The following STON2 variants were observed in gnomAD, a reference collection of about 807,000 sequenced individuals.
The protein encoded by STON2 is stonin 2.
Under a neutral mutation model 65.7 loss-of-function variants are expected in STON2, and 29 were observed. That is an observed-to-expected ratio of 0.44 (90% CI 0.33 to 0.60). STON2 has a LOEUF of 0.60. Among genes scored for constraint, STON2 ranks in the 20% least tolerant of loss-of-function variants. The pLI is 0.03. For synonymous variants in STON2, 404 were observed against 414.2 expected (o/e 0.98, Z 0.30); for missense variants, 1,054 against 1,118.1 (o/e 0.94, Z 0.82).
chr14:81,421,503 C>A (rs1901701798), intron 2 of STON2, among the ~76,000 whole-genome samples: 2 of 152,142 alleles, frequency 1.3e-5, no homozygotes, highest in South Asian at 4.2e-4. Context: ...GTGAAAAGAC[C>A]AGCTAGTAAT....
At chr14:81,306,167 CTATATATA>C (rs1555397650) in intron 5 of STON2, among the ~76,000 whole-genome samples, 2 of 132,306 alleles carry the variant, frequency 1.5e-5, no homozygotes, top group East Asian at 4.3e-4. Context: ...CTCTCTCTCT[CTATATATA>C]TATATATATA....
At chr14:81,367,405 A>G (rs10146491) in intron 4 of STON2, among the ~76,000 whole-genome samples, 76,153 of 151,980 alleles carry the variant, frequency 0.5, 19,569 homozygotes, top group East Asian at 0.73. Flanking sequence ...TCAAACTCCT[A>G]GCTTCAAGTG....
intron 5 of STON2, among the ~76,000 whole-genome samples, chr14:81,313,631 C>T (rs370134979): frequency 1.3e-5 from 2 of 152,066 alleles, no homozygotes; most frequent in East Asian, 1.9e-4. Flanking sequence ...CCCATCTCTA[C>T]TAAAAATACA....
At chr14:81,411,938 C>A in intron 2 of STON2, among the ~76,000 whole-genome samples, 1 of 99,468 alleles carries the variant, frequency 1.0e-5, no homozygotes, top group African/African-American at 5.7e-5. Context: ...ACTATCATCT[C>A]AAAGACAAGA....
chr14:81,322,375 C>T (rs1380027839), intron 5 of STON2, among the ~76,000 whole-genome samples: 1 of 152,148 alleles, frequency 6.6e-6, no homozygotes, highest in Non-Finnish European at 1.5e-5. Context: ...ACTGAAAAGT[C>T]ACAAATTTGA....
Position 81,267,919 on chromosome 14 carries a change from A to G in STON2, c.*495T>C. 1 of 985,632 alleles carries G rather than the reference A, an allele frequency of 1.0e-6. No homozygotes were observed. Among genetic ancestry groups the G allele is most frequent in the Non-Finnish European group, 1.2e-6 (1 of 830,100 alleles). The allele number at this position is 985,632 out of a possible 1,614,324, so 61.1% of individuals were successfully genotyped here. On this transcript the variant is annotated 3_prime_UTR_variant, in exon 8 of 8. Coordinates refer to ENST00000614646, the MANE Select transcript of STON2 (RefSeq NM_001394390.1). ...AAGGTCTAGTAAGACCCAAAGAGGA[A>G]ATTTGTTTTGCACCTTTTCTGAACC...
At chr14:81,376,814 T>C (rs1260378714) in intron 3 of STON2, among the ~76,000 whole-genome samples, 1 of 152,198 alleles carries the variant, frequency 6.6e-6, no homozygotes, top group Non-Finnish European at 1.5e-5. Flanking sequence ...AATTGAGTTA[T>C]CCAATTTATA....
At chr14:81,342,184 G>A (rs998887736) in intron 4 of STON2, among the ~76,000 whole-genome samples, 4 of 151,378 alleles carry the variant, frequency 2.6e-5, no homozygotes, top group Admixed American at 6.6e-5. Context: ...CTTGTTGCCC[G>A]GGTGCCATGG....
At chr14:81,394,773 G>A (rs1900235154) in intron 3 of STON2, among the ~76,000 whole-genome samples, 1 of 152,068 alleles carries the variant, frequency 6.6e-6, no homozygotes, top group Non-Finnish European at 1.5e-5. Context: ...AGCTGGGAAG[G>A]GCCAGGAAAC....
intron 3 of STON2, 186 bp downstream of exon 3, chr14:81,395,708 G>C: frequency 1.6e-6 from 1 of 617,058 alleles, no homozygotes; most frequent in South Asian, 2.0e-5. Flanking sequence ...TCTTTTGTAT[G>C]CTTATGTCAA....
intron 2 of STON2, among the ~76,000 whole-genome samples, chr14:81,420,988 A>G (rs544070947): frequency 1.3e-5 from 2 of 152,308 alleles, no homozygotes; most frequent in Middle Eastern, 3.4e-3. Flanking sequence ...GGATCTGGAC[A>G]TGAATAAGGC....
chr14:81,435,218 A>C (rs1026427222), intron 1 of STON2, among the ~76,000 whole-genome samples: 22 of 152,176 alleles, frequency 1.4e-4, no homozygotes, highest in African/African-American at 5.3e-4. Flanking sequence ...GCCCCCCAAA[A>C]GGACATGCTA....
chr14:81,329,199 T>C (rs1405429979), intron 4 of STON2, among the ~76,000 whole-genome samples: 1 of 152,042 alleles, frequency 6.6e-6, no homozygotes, highest in East Asian at 1.9e-4. Flanking sequence ...CTCACGCTTG[T>C]AATCCCAGCA....
intron 1 of STON2, among the ~76,000 whole-genome samples, chr14:81,435,870 C>T (rs767303275): frequency 1.4e-4 from 21 of 152,206 alleles, no homozygotes; most frequent in Non-Finnish European, 2.5e-4. Flanking sequence ...AGCTGGGGTC[C>T]TGCCTCCCGA....
chr14:81,335,340 T>G (rs890447111), intron 4 of STON2, among the ~76,000 whole-genome samples: 2 of 152,024 alleles, frequency 1.3e-5, no homozygotes, highest in African/African-American at 4.8e-5. Context: ...AGAGAAGAAG[T>G]CTCAATGTAT....
At chr14:81,353,512 A>G (rs574238042) in intron 4 of STON2, among the ~76,000 whole-genome samples, 9 of 152,324 alleles carry the variant, frequency 5.9e-5, no homozygotes, top group African/African-American at 2.2e-4. Context: ...TACATGGTCC[A>G]CAGGATGAAA....
chr14:81,353,645 A>T (rs1332648090), intron 4 of STON2, among the ~76,000 whole-genome samples: 1 of 152,226 alleles, frequency 6.6e-6, no homozygotes, highest in Non-Finnish European at 1.5e-5. Context: ...CATTTTCTAC[A>T]GAGGAAAAAG....
intron 4 of STON2, among the ~76,000 whole-genome samples, chr14:81,346,408 T>C (rs1007115497): frequency 1.7e-4 from 26 of 152,154 alleles, no homozygotes; most frequent in South Asian, 8.3e-4. Context: ...CCAAAGGACT[T>C]TGGGACCAGA....
chr14:81,303,314 C>T (rs1454008385), intron 5 of STON2, among the ~76,000 whole-genome samples: 1 of 152,180 alleles, frequency 6.6e-6, no homozygotes, highest in African/African-American at 2.4e-5. Context: ...CAGAGCCTGA[C>T]ACACAGCAGG....
Sources: gnomAD v4.1 joint callset for allele counts (sites outside exome capture counted in the v4.1 genomes callset) on GRCh38, gnomAD v4.1.1 for gene constraint, MANE v1.5 for transcripts, NCBI Gene and HGNC (gene_info 2026-07-23, HGNC 2026-07-21) for gene names.